SLCO3A1: variants seen among roughly 807,000 people sequenced by gnomAD.
SLCO3A1 encodes PGE1 transporter.
A neutral mutation model predicts 63.1 loss-of-function variants in SLCO3A1; 27 were observed. The ratio of observed to expected loss-of-function variants is 0.43; its 90% confidence interval spans 0.32 to 0.59. The LOEUF is 0.59. SLCO3A1 is among the 20% of genes least tolerant of loss of function. The pLI, the probability that SLCO3A1 is intolerant of heterozygous loss-of-function variation, is 0.09. For synonymous variants in SLCO3A1, 473 were observed against 409.9 expected (o/e 1.15, Z -1.86); for missense variants, 773 against 945.8 (o/e 0.82, Z 2.40).
intron 2 of SLCO3A1, among the ~76,000 whole-genome samples, chr15:92,060,569 G>A (rs966577227): frequency 5.3e-5 from 8 of 151,676 alleles, no homozygotes; most frequent in South Asian, 2.1e-4. Flanking sequence ...GCGCAAGCTC[G>A]GCTCACTGCA....
intron 2 of SLCO3A1, among the ~76,000 whole-genome samples, chr15:91,981,387 C>CA (rs1319735308): frequency 6.6e-6 from 1 of 152,156 alleles, no homozygotes; most frequent in Non-Finnish European, 1.5e-5. Flanking sequence ...GCGCGTATCT[C>CA]ATCTCATCTC....
At chr15:92,119,621 G>A (rs2047837189) in intron 4 of SLCO3A1, among the ~76,000 whole-genome samples, 1 of 152,180 alleles carries the variant, frequency 6.6e-6, no homozygotes, top group Non-Finnish European at 1.5e-5. Flanking sequence ...GGGTGCAGGC[G>A]AGAAACAGCC....
intron 2 of SLCO3A1, among the ~76,000 whole-genome samples, chr15:92,006,593 T>A (rs1200470442): frequency 2.0e-5 from 3 of 152,210 alleles, no homozygotes; most frequent in African/African-American, 7.2e-5. Context: ...CCAACACTCC[T>A]TGTGTCTTTA....
chr15:92,010,745 G>A (rs553365686), intron 2 of SLCO3A1, among the ~76,000 whole-genome samples: 5 of 152,198 alleles, frequency 3.3e-5, no homozygotes, highest in African/African-American at 9.6e-5. Flanking sequence ...CCCCTCTGCC[G>A]CATGAAGCCC....
rs542428289 is a variant in SLCO3A1 at position 91,934,581 on chromosome 15, T to G, written c.646+18123T>G. Among the ~76,000 whole-genome samples, 171 of 152,318 alleles carry G rather than the reference T, an allele frequency of 1.1e-3. 1 individual carries two copies. The highest frequency in any genetic ancestry group is 1.9e-3 in the Non-Finnish European group (126 of 68,028). ...TTTTGTCATTCTCAAATTCTAGCCA[T>G]AGCAAAAAGAGTCAACTCTTGTTTG... On this transcript the variant is annotated intron_variant, in intron 2 of 9. Coordinates refer to ENST00000318445, the MANE Select transcript of SLCO3A1 (RefSeq NM_013272.4).
At chr15:92,120,430 T>C (rs771613147) in intron 4 of SLCO3A1, 35 bp from the exon 5 acceptor site, 1 of 1,607,702 alleles carries the variant, frequency 6.2e-7, no homozygotes, top group Admixed American at 1.7e-5. Flanking sequence ...GGGTGTGACC[T>C]TGACCCTGAC....
intron 2 of SLCO3A1, among the ~76,000 whole-genome samples, chr15:91,936,047 C>A (rs1276740613): frequency 6.6e-6 from 1 of 152,158 alleles, no homozygotes; most frequent in Non-Finnish European, 1.5e-5. Flanking sequence ...GGCTCTGGAG[C>A]CAGATGGTCA....
At chr15:92,095,285 G>A (rs574888169) in intron 3 of SLCO3A1, among the ~76,000 whole-genome samples, 1 of 152,322 alleles carries the variant, frequency 6.6e-6, no homozygotes, top group East Asian at 1.9e-4. Flanking sequence ...CATCGGCCTG[G>A]CAGATAAGAA....
At chr15:92,076,210 C>T (rs573282582) in intron 2 of SLCO3A1, among the ~76,000 whole-genome samples, 28 of 152,192 alleles carry the variant, frequency 1.8e-4, no homozygotes, top group Non-Finnish European at 3.2e-4. Flanking sequence ...TCAAACAAAA[C>T]CCATGGTGTA....
intron 1 of SLCO3A1, among the ~76,000 whole-genome samples, chr15:91,868,039 T>C (rs1664498294): frequency 6.6e-6 from 1 of 152,080 alleles, no homozygotes; most frequent in South Asian, 2.1e-4. Context: ...CAACTTCAAG[T>C]TCGTGCTTTT....
chr15:91,949,750 T>C (rs559558581), intron 2 of SLCO3A1, among the ~76,000 whole-genome samples: 4 of 151,748 alleles, frequency 2.6e-5, no homozygotes, highest in Non-Finnish European at 4.4e-5. Flanking sequence ...TAGTCCCAGC[T>C]ACTTGGGAGG....
At chr15:92,071,888 C>T (rs1224928880) in intron 2 of SLCO3A1, among the ~76,000 whole-genome samples, 1 of 152,200 alleles carries the variant, frequency 6.6e-6, no homozygotes, top group Non-Finnish European at 1.5e-5. Context: ...GGGGCCTGGG[C>T]GTGATGAGCT....
intron 2 of SLCO3A1, among the ~76,000 whole-genome samples, chr15:92,019,000 T>C (rs1450677513): frequency 1.3e-5 from 2 of 152,168 alleles, no homozygotes; most frequent in African/African-American, 4.8e-5. Context: ...CCAGCTGAAC[T>C]GTTGCTGTGA....
intron 1 of SLCO3A1, among the ~76,000 whole-genome samples, chr15:91,881,740 T>C (rs1180026378): frequency 1.3e-5 from 2 of 152,092 alleles, no homozygotes; most frequent in African/African-American, 4.8e-5. Context: ...CTGTGGTAAA[T>C]AAGCAACATG....
chr15:91,881,194 G>T (rs56277940), intron 1 of SLCO3A1, among the ~76,000 whole-genome samples: 10,426 of 152,222 alleles, frequency 0.068, 504 homozygotes, highest in Non-Finnish European at 0.1. Flanking sequence ...TTTTGGGGAA[G>T]ATCAAAACCT....
chr15:92,041,222 C>T (rs1007199879), intron 2 of SLCO3A1, among the ~76,000 whole-genome samples: 4 of 152,164 alleles, frequency 2.6e-5, no homozygotes, highest in Non-Finnish European at 5.9e-5. Flanking sequence ...GTGCTTTGTT[C>T]CTCCTAACCC....
Position 92,033,865 on chromosome 15 carries a change from G to C in SLCO3A1, c.647-61016G>C, listed in dbSNP as rs181432329. Among the ~76,000 whole-genome samples, 1 of 152,152 alleles carries C rather than the reference G, an allele frequency of 6.6e-6. No individual in the cohort carries two copies. The highest frequency in any genetic ancestry group is 2.4e-5 in the African/African-American group (1 of 41,422). On this transcript the variant is annotated intron_variant, in intron 2 of 9. Transcript: ENST00000318445. This position sits in a 1 kb window ranked among gnomAD's most constrained non-coding sequence, Gnocchi z 4.5. ...GGTTATCTGGAGGAAAAACATTCCA[G>C]ACAGACCAGTGAGGGCTGAGGCTTA...
intron 2 of SLCO3A1, 38 bp from the exon 3 acceptor site, chr15:92,094,843 C>T (rs773198638): frequency 7.4e-7 from 1 of 1,353,236 alleles, no homozygotes; most frequent in South Asian, 1.2e-5. Context: ...CGAATAGCTT[C>T]TGTTTTGTAA....
chr15:91,916,178 G>A lies in SLCO3A1; in HGVS notation c.366G>A (p.Leu122=). Residue 122 remains leucine (L), a synonymous_variant, in exon 2 of 10, where the codon CTG becomes CTA. Transcript: ENST00000318445. The surrounding 1 kb of genome is among the most constrained non-coding windows in gnomAD (Gnocchi z 6.2). ...GGIVMALGAL[L]SALPEFLTHQ... ...TCGTCATGGCGCTGGGCGCGCTGCT[G>A]TCGGCGCTGCCCGAGTTCCTGACCC... The A allele has an allele frequency of 3.7e-6, 6 of 1,600,798 alleles. No homozygotes were observed. The highest frequency in any genetic ancestry group is 5.1e-6 in the Non-Finnish European group (6 of 1,176,110).
Sources: allele counts gnomAD v4.1 joint callset (sites outside exome capture counted in the v4.1 genomes callset), GRCh38; gene constraint gnomAD v4.1.1; non-coding constraint Gnocchi (gnomAD v3.1); transcripts MANE v1.5; gene names NCBI Gene and HGNC (gene_info 2026-07-23, HGNC 2026-07-21).